Variants in PDE4D observed in about 807,000 individuals in gnomAD.
PDE4D encodes the protein 3',5'-cyclic-AMP phosphodiesterase 4D.
PDE4D carries 24 observed loss-of-function variants against 87.4 expected under a neutral mutation model. The ratio of observed to expected loss-of-function variants is 0.27; its 90% confidence interval spans 0.20 to 0.39. The LOEUF is 0.39. PDE4D is among the 10% of genes least tolerant of loss of function. The pLI is 1.00. For synonymous variants in PDE4D, 384 were observed against 383.2 expected (o/e 1.00, Z -0.02); for missense variants, 714 against 1,041.0 (o/e 0.69, Z 4.32).
intron 5 of PDE4D, among the ~76,000 whole-genome samples, chr5:59,090,406 C>T (rs1262795592): frequency 6.6e-6 from 1 of 152,130 alleles, no homozygotes; most frequent in Non-Finnish European, 1.5e-5. Context: ...CATCTCTCCA[C>T]AGGGAGATAT....
intron 1 of PDE4D, among the ~76,000 whole-genome samples, chr5:60,465,946 T>C (rs1244368141): frequency 6.6e-6 from 1 of 151,226 alleles, no homozygotes; most frequent in Non-Finnish European, 1.5e-5. Context: ...GACAGAGTAA[T>C]TCAACAGGAA....
chr5:60,102,590 G>C (rs1477831347), intron 2 of PDE4D, among the ~76,000 whole-genome samples: 3 of 152,134 alleles, frequency 2.0e-5, no homozygotes, highest in Non-Finnish European at 2.9e-5. Context: ...GACTGAGGTA[G>C]CTAGGGAACC....
intron 1 of PDE4D, among the ~76,000 whole-genome samples, chr5:59,271,714 A>T (rs1323065601): frequency 1.3e-5 from 2 of 152,120 alleles, no homozygotes; most frequent in African/African-American, 2.4e-5. Flanking sequence ...TCATTTGCAT[A>T]TTATATAACC....
chr5:60,254,851 TA>T (rs1354025827), intron 1 of PDE4D, among the ~76,000 whole-genome samples: 1 of 151,852 alleles, frequency 6.6e-6, no homozygotes, highest in Non-Finnish European at 1.5e-5. Context: ...TTGTAAAAAT[TA>T]AATGAGAAAG....
At chr5:60,428,260 G>C (rs1327031168) in intron 1 of PDE4D, among the ~76,000 whole-genome samples, 1 of 151,736 alleles carries the variant, frequency 6.6e-6, no homozygotes, top group Non-Finnish European at 1.5e-5. Context: ...AAATTAAAAA[G>C]GAAGATAAAT....
At position 60,210,512 on chromosome 5, in the gene PDE4D, C is replaced by G. The variant is rs114075796; in HGVS notation, c.-89-24825G>C. Among the ~76,000 whole-genome samples, 1,264 of 151,920 alleles carry G rather than the reference C, an allele frequency of 8.3e-3. 19 individuals carry two copies. The highest frequency in any genetic ancestry group is 0.029 in the African/African-American group (1,208 of 41,450). On this transcript the variant is annotated intron_variant, in intron 1 of 16. Transcript: ENST00000502484. ...AATAAAGCTGCATTCCACCAGGAAG[C>G]GAATTAAATTATTCCAGACCAACTC... is the stretch of plus-strand genomic sequence containing the variant.
At chr5:60,430,957 C>T (rs1466180360) in intron 1 of PDE4D, 6 of 286,264 alleles carry the variant, frequency 2.1e-5, no homozygotes, top group Non-Finnish European at 2.8e-5. Context: ...TACACAGACA[C>T]AGCAACCATC....
chr5:59,275,723 A>G (rs1764674280), intron 1 of PDE4D: 1 of 1,052,202 alleles, frequency 9.5e-7, no homozygotes, highest in Non-Finnish European at 1.1e-6. Context: ...AAGGGAAACC[A>G]GCATAGTGAA....
At chr5:59,342,457 A>G (rs1188734135) in intron 1 of PDE4D, among the ~76,000 whole-genome samples, 1 of 152,076 alleles carries the variant, frequency 6.6e-6, no homozygotes, top group Non-Finnish European at 1.5e-5. Context: ...TTGAACCATA[A>G]ATTACCATAT....
At chr5:59,119,186 C>A (rs1173453532) in intron 5 of PDE4D, among the ~76,000 whole-genome samples, 1 of 152,140 alleles carries the variant, frequency 6.6e-6, no homozygotes, top group East Asian at 1.9e-4. Flanking sequence ...AAGTGAATTT[C>A]TCTTTAAATT....
At chr5:60,401,734 C>T (rs1194835668) in intron 1 of PDE4D, among the ~76,000 whole-genome samples, 1 of 152,180 alleles carries the variant, frequency 6.6e-6, no homozygotes, top group African/African-American at 2.4e-5. Context: ...TGCTGAGACC[C>T]CTCCAGTTTG....
At chr5:59,470,128 T>C (rs963686572) in intron 1 of PDE4D, among the ~76,000 whole-genome samples, 2 of 152,132 alleles carry the variant, frequency 1.3e-5, no homozygotes, top group Non-Finnish European at 2.9e-5. Context: ...AATCACATGC[T>C]AGAAGGTGTG....
chr5:60,085,552 G>T (rs577025328), intron 2 of PDE4D, among the ~76,000 whole-genome samples: 1 of 152,250 alleles, frequency 6.6e-6, no homozygotes, highest in African/African-American at 2.4e-5. Context: ...CTTTTCTATG[G>T]GAGGTTGTGC....
At chr5:59,152,894 TA>T in intron 5 of PDE4D, among the ~76,000 whole-genome samples, 1 of 152,070 alleles carries the variant, frequency 6.6e-6, no homozygotes, top group Non-Finnish European at 1.5e-5. Context: ...ACAACAAAAT[TA>T]GCCCAAAACA....
chr5:59,347,483 TCA>T (rs1779801376), intron 1 of PDE4D, among the ~76,000 whole-genome samples: 1 of 152,186 alleles, frequency 6.6e-6, no homozygotes. Flanking sequence ...AAAATTAATC[TCA>T]CAGTTATTCT....
At chr5:59,472,275 C>T (rs1162964419) in intron 1 of PDE4D, among the ~76,000 whole-genome samples, 1 of 152,100 alleles carries the variant, frequency 6.6e-6, no homozygotes, top group Non-Finnish European at 1.5e-5. Context: ...ACCACATATT[C>T]GTATGACTGG....
chr5:59,534,732 T>TC (rs1814843904), intron 1 of PDE4D, among the ~76,000 whole-genome samples: 1 of 152,130 alleles, frequency 6.6e-6, no homozygotes, highest in Non-Finnish European at 1.5e-5. Flanking sequence ...AGGTTGTGGA[T>TC]TTACATATCA....
intron 2 of PDE4D, among the ~76,000 whole-genome samples, chr5:59,201,593 G>T (rs1747411635): frequency 7.2e-5 from 11 of 151,986 alleles, no homozygotes; most frequent in Admixed American, 7.2e-4. Flanking sequence ...TGTTTCCTTG[G>T]TATTAGACAT....
chr5:60,282,643 C>G (rs990577017), intron 1 of PDE4D, among the ~76,000 whole-genome samples: 6 of 152,142 alleles, frequency 3.9e-5, no homozygotes, highest in African/African-American at 1.4e-4. Context: ...GCTGGATAAT[C>G]CAGGATTATT....
Sources: gnomAD v4.1 joint callset for allele counts (sites outside exome capture counted in the v4.1 genomes callset) on GRCh38, gnomAD v4.1.1 for gene constraint, MANE v1.5 for transcripts, NCBI Gene and HGNC (gene_info 2026-07-23, HGNC 2026-07-21) for gene names.